TMEM41B: variants seen among roughly 807,000 people sequenced by gnomAD.
TMEM41B encodes transmembrane protein 41B.
In TMEM41B, 18 loss-of-function variants were observed where a neutral mutation model predicts 31.9. The ratio of observed to expected loss-of-function variants is 0.56; its 90% CI spans 0.39 to 0.84. The LOEUF (loss-of-function observed/expected upper bound fraction) is 0.84. Among genes scored for constraint, TMEM41B ranks in the 40% least tolerant of loss-of-function variants. The pLI is 0.00. For missense variants in TMEM41B, 322 were observed against 348.0 expected (o/e 0.93, Z 0.59); for synonymous variants, 144 against 124.3 (o/e 1.16, Z -1.05).
At chr11:9,310,453 A>T (rs1045982383) in intron 1 of TMEM41B, among the ~76,000 whole-genome samples, 53 of 151,738 alleles carry the variant, frequency 3.5e-4, no homozygotes, top group Admixed American at 7.2e-4. Flanking sequence ...CATTTTTTTT[A>T]AAAAAATGCT....
intron 1 of TMEM41B, among the ~76,000 whole-genome samples, chr11:9,310,582 G>A (rs1853533358): frequency 6.6e-6 from 1 of 151,084 alleles, no homozygotes; most frequent in African/African-American, 2.4e-5. Context: ...TAAATACATA[G>A]GTCGGGGCAA....
At chr11:9,299,339 CACACACG>C (rs1853186767) in intron 2 of TMEM41B, among the ~76,000 whole-genome samples, 2 of 143,238 alleles carry the variant, frequency 1.4e-5, no homozygotes, top group Admixed American at 1.4e-4. Flanking sequence ...CACACACACA[CACACACG>C]TGTGTGTATA....
chr11:9,308,432 G>T (rs575112790), intron 1 of TMEM41B, among the ~76,000 whole-genome samples: 11 of 152,098 alleles, frequency 7.2e-5, no homozygotes, highest in Non-Finnish European at 1.5e-4. Context: ...TTTCTTCCAT[G>T]AGCTTACTTC....
chr11:9,310,655 C>CTT (rs36061977), intron 1 of TMEM41B, among the ~76,000 whole-genome samples: 10 of 109,148 alleles, frequency 9.2e-5, no homozygotes, highest in Admixed American at 2.2e-4. Context: ...GTTAAGAGCC[C>CTT]TTTTTTTTTT....
intron 3 of TMEM41B, among the ~76,000 whole-genome samples, chr11:9,293,399 G>A (rs567696652): frequency 1.3e-5 from 2 of 151,964 alleles, no homozygotes; most frequent in African/African-American, 4.8e-5. Context: ...CACTACACCC[G>A]GCCAATTAGT....
intron 2 of TMEM41B, among the ~76,000 whole-genome samples, chr11:9,299,255 C>G (rs1421526857): frequency 8.2e-6 from 1 of 121,262 alleles, no homozygotes; most frequent in African/African-American, 3.3e-5. Context: ...TGCATTCCAG[C>G]CTGGGTGACA....
intron 3 of TMEM41B, among the ~76,000 whole-genome samples, chr11:9,291,647 C>T (rs1023240874): frequency 2.0e-5 from 3 of 151,744 alleles, no homozygotes; most frequent in African/African-American, 2.4e-5. Flanking sequence ...TGATCCACCC[C>T]GCTTGGCCTC....
intron 1 of TMEM41B, among the ~76,000 whole-genome samples, chr11:9,304,200 AAC>A (rs1330886018): frequency 1.3e-5 from 2 of 152,184 alleles, no homozygotes; most frequent in African/African-American, 4.8e-5. Flanking sequence ...GAGAATTAAA[AAC>A]ACACTTTAAA....
At chr11:9,298,149 T>G (rs1025601516) in intron 2 of TMEM41B, among the ~76,000 whole-genome samples, 1 of 150,576 alleles carries the variant, frequency 6.6e-6, no homozygotes, top group South Asian at 2.1e-4. Flanking sequence ...TTCCTACTTA[T>G]GAAATTTATA....
chr11:9,310,141 T>C (rs1853521931), intron 1 of TMEM41B, among the ~76,000 whole-genome samples: 2 of 151,222 alleles, frequency 1.3e-5, no homozygotes, highest in African/African-American at 4.9e-5. Flanking sequence ...GTTCAAGTGA[T>C]TCTCCTGCCT....
intron 1 of TMEM41B, among the ~76,000 whole-genome samples, chr11:9,310,285 C>T (rs186975249): frequency 2.6e-5 from 4 of 152,064 alleles, no homozygotes; most frequent in South Asian, 4.2e-4. Flanking sequence ...CCGCCCGCCT[C>T]GGCCTCCCAA....
intron 3 of TMEM41B, among the ~76,000 whole-genome samples, chr11:9,290,047 A>ACACACC (rs1852919169): frequency 6.6e-6 from 1 of 152,004 alleles, no homozygotes; most frequent in South Asian, 2.1e-4. Flanking sequence ...AAACACACAC[A>ACACACC]CACACACACA....
Position 9,299,305 on chromosome 11 carries a change from AG to A in TMEM41B, c.239+278del, listed in dbSNP as rs1433759000. Among the ~76,000 whole-genome samples, 77 of 60,318 alleles carry A rather than the reference AG, an allele frequency of 1.3e-3. 1 individual carries two copies. The highest frequency in any genetic ancestry group is 1.9e-3 in the Non-Finnish European group (58 of 29,766). 39.6% of individuals were successfully genotyped at this position (60,318 alleles called of 152,430 possible). Reference sequence around the variant, plus strand: ...CTCAAAAAAAAAAAAAAAAAAAAAAAGAAAGTATATATACATACATACACAC... The same window carrying A: ...CTCAAAAAAAAAAAAAAAAAAAAAAAAAAGTATATATACATACATACACAC... On this transcript the variant is annotated intron_variant, in intron 2 of 6. Transcript: ENST00000528080.
intron 1 of TMEM41B, among the ~76,000 whole-genome samples, chr11:9,306,698 A>C (rs910575377): frequency 2.6e-5 from 4 of 151,508 alleles, no homozygotes; most frequent in African/African-American, 7.3e-5. Flanking sequence ...AAAAAAAAAG[A>C]AAGCCAGAAT....
In TMEM41B at chr11:9,287,694, A is replaced by T; in HGVS notation, c.567+8T>A. The T allele has an allele frequency of 3.8e-6, 6 of 1,583,014 alleles. No homozygotes were observed. The highest frequency in any genetic ancestry group is 5.2e-6 in the Non-Finnish European group (6 of 1,159,604). On this transcript the variant is annotated splice_region_variant and intron_variant, in intron 5 of 6. Transcript: ENST00000528080. ...GTTACATCAAATAATTTAAAAATAC[A>T]TGTTTACCTGCTGTGACCATTTTAC... is the stretch of plus-strand genomic sequence containing the variant.
At chr11:9,297,452 G>C (rs960344827) in intron 2 of TMEM41B, among the ~76,000 whole-genome samples, 5 of 152,084 alleles carry the variant, frequency 3.3e-5, no homozygotes, top group African/African-American at 1.2e-4. Context: ...CCAGCACTTT[G>C]GCAGGCCGAG....
Position 9,299,593 on chromosome 11 carries a change from T to G in TMEM41B, c.230A>C (p.Gln77Pro). 1 of 1,602,548 alleles carries G rather than the reference T, an allele frequency of 6.2e-7. No homozygotes were observed. The highest frequency in any genetic ancestry group is 8.5e-7 in the Non-Finnish European group (1 of 1,171,952). Residue 77 changes from glutamine to proline, a missense_variant, in exon 2 of 7, where the codon CAG becomes CCG. By Grantham distance (76) the Gln-to-Pro change is moderately conservative (BLOSUM62 -1). Transcript: ENST00000528080. The stretch of plus-strand genomic sequence containing the variant: ...CTCTCAGTATACTTACTCACTAAGC[T>G]GAGGAAAATTTTTATATACCAAAAA... ...VMFLVYKNFP[Q>P]LSEEERVNMK... is the part of the protein sequence containing the mutation.
At chr11:9,305,500 T>C (rs1419293673) in intron 1 of TMEM41B, among the ~76,000 whole-genome samples, 1 of 152,138 alleles carries the variant, frequency 6.6e-6, no homozygotes, top group Non-Finnish European at 1.5e-5. Flanking sequence ...CTGGGGAGGC[T>C]AAGGCACAAG....
intron 6 of TMEM41B, 98 bp from the exon 7 acceptor site, chr11:9,283,691 C>T: frequency 9.6e-7 from 1 of 1,044,212 alleles, no homozygotes; most frequent in Middle Eastern, 2.8e-4. Flanking sequence ...AACAACACAG[C>T]TATTTCCATT....
Sources: gnomAD v4.1 joint callset for allele counts (sites outside exome capture counted in the v4.1 genomes callset) on GRCh38, gnomAD v4.1.1 for gene constraint, MANE v1.5 for transcripts, NCBI Gene and HGNC (gene_info 2026-07-23, HGNC 2026-07-21) for gene names.